The following CTNNA2 variants were observed in gnomAD, a reference collection of about 807,000 sequenced individuals.
CTNNA2 encodes catenin alpha 2.
In CTNNA2, 42 loss-of-function variants were observed where a neutral mutation model predicts 101.0. The observed-to-expected ratio is 0.42, with a 90% CI of 0.32 to 0.54. CTNNA2 has a LOEUF of 0.54. Ranked by LOEUF, CTNNA2 falls within the 20% of genes least tolerant of loss-of-function variation. The pLI, the probability that CTNNA2 is intolerant of heterozygous loss-of-function variation, is 0.14. For missense variants in CTNNA2, 871 were observed against 1,223.1 expected (o/e 0.71, Z 4.29); for synonymous variants, 450 against 456.4 (o/e 0.99, Z 0.18).
intron 2 of CTNNA2, among the ~76,000 whole-genome samples, chr2:79,702,383 T>C (rs548230175): frequency 1.3e-5 from 2 of 152,288 alleles, no homozygotes; most frequent in South Asian, 2.1e-4. Context: ...CATGCTACAA[T>C]AGCAGAGCTA....
intron 9 of CTNNA2, among the ~76,000 whole-genome samples, chr2:80,495,611 C>T (rs763950833): frequency 7.2e-5 from 11 of 152,220 alleles, no homozygotes; most frequent in Non-Finnish European, 7.4e-5. Context: ...AGGTTGGGCC[C>T]TTAAAGCAGT....
intron 4 of CTNNA2, among the ~76,000 whole-genome samples, chr2:79,440,382 C>T (rs1257912317): frequency 6.6e-6 from 1 of 152,108 alleles, no homozygotes; most frequent in Non-Finnish European, 1.5e-5. Flanking sequence ...AGGGTATTCT[C>T]TCTTGGCCAT....
chr2:80,494,706 A>ATGTC (rs1274474926), intron 9 of CTNNA2, among the ~76,000 whole-genome samples: 5 of 152,192 alleles, frequency 3.3e-5, no homozygotes, highest in African/African-American at 4.8e-5. Context: ...CATATTAAGT[A>ATGTC]TGTCTTATGT....
At chr2:80,441,727 G>A (rs1682601621) in intron 9 of CTNNA2, among the ~76,000 whole-genome samples, 2 of 152,160 alleles carry the variant, frequency 1.3e-5, no homozygotes, top group African/African-American at 4.8e-5. Context: ...GTAAAGAAAT[G>A]GAGACAGAAT....
At chr2:80,424,235 T>C (rs1022995777) in intron 9 of CTNNA2, among the ~76,000 whole-genome samples, 2 of 152,282 alleles carry the variant, frequency 1.3e-5, no homozygotes, top group East Asian at 3.9e-4. Flanking sequence ...ATTACAGGCG[T>C]GAGCCACCGT....
rs550495089 is a variant in CTNNA2 at position 79,236,863 on chromosome 2, C to T, written c.-406+38787C>T. On this transcript the variant is annotated intron_variant, in intron 2 of 21. Transcript: ENST00000466387. ...AGGCTCCATTTTTAATTATAGTTCCCTTGCTATTTCCAGCAAATCTTCAGC... is the reference window on the plus strand; with the variant it reads ...AGGCTCCATTTTTAATTATAGTTCCTTTGCTATTTCCAGCAAATCTTCAGC... Among the ~76,000 whole-genome samples, 6 of 152,284 alleles carry T rather than the reference C, an allele frequency of 3.9e-5. No homozygotes were observed. In the South Asian group the frequency reaches 1.2e-3, roughly 32 times the overall value.
At chr2:80,595,284 G>T (rs1441623714) in intron 15 of CTNNA2, among the ~76,000 whole-genome samples, 1 of 139,802 alleles carries the variant, frequency 7.2e-6, no homozygotes, top group Non-Finnish European at 1.5e-5. Context: ...TTTCTTTTAG[G>T]ATTTTTTTAT....
intron 2 of CTNNA2, among the ~76,000 whole-genome samples, chr2:79,654,825 T>C (rs770039480): frequency 6.6e-6 from 1 of 152,182 alleles, no homozygotes; most frequent in Non-Finnish European, 1.5e-5. Flanking sequence ...GCTTACCTAA[T>C]ACTGATAGGA....
intron 7 of CTNNA2, among the ~76,000 whole-genome samples, chr2:80,027,052 T>C (rs1694973858): frequency 6.6e-6 from 1 of 152,148 alleles, no homozygotes; most frequent in Admixed American, 6.5e-5. Flanking sequence ...TATGTTAATA[T>C]ATGGACAAAA....
intron 4 of CTNNA2, among the ~76,000 whole-genome samples, chr2:79,436,214 T>C (rs1435793671): frequency 1.3e-4 from 20 of 152,170 alleles, no homozygotes; most frequent in Admixed American, 1.3e-3. Context: ...AACTTGGAGA[T>C]GTCATCAGGA....
At chr2:80,187,397 T>C (rs1399073982) in intron 7 of CTNNA2, among the ~76,000 whole-genome samples, 4 of 152,242 alleles carry the variant, frequency 2.6e-5, no homozygotes, top group Non-Finnish European at 5.9e-5. Flanking sequence ...AATAGTAATT[T>C]GTTAAGTTTT....
intron 8 of CTNNA2, among the ~76,000 whole-genome samples, chr2:80,394,171 C>T (rs894798883): frequency 3.3e-5 from 5 of 152,222 alleles, no homozygotes; most frequent in African/African-American, 1.2e-4. Context: ...GCAGCTGAAA[C>T]AATTGGGTTA....
chr2:79,264,621 C>T (rs928359386), intron 2 of CTNNA2, among the ~76,000 whole-genome samples: 9 of 152,018 alleles, frequency 5.9e-5, no homozygotes, highest in Admixed American at 5.2e-4. Context: ...CCTTCAAAGC[C>T]GTAGAACAAA....
rs548055530 is a variant in CTNNA2, at chr2:79,980,192, G to A, written c.1056+70395G>A. 4.6e-5 allele frequency among the ~76,000 whole-genome samples: 7 copies of A among 152,252 alleles called. No homozygotes were observed. The East Asian group carries it at 1.2e-3, about 25-fold the overall frequency. On this transcript the variant is annotated intron_variant, in intron 7 of 18. Transcript: ENST00000402739. ...ATTAAGTAAACTATGCAGGAGAAAA[G>A]CATCCTGGAGAATCACAAAGAGGAT...
chr2:79,675,423 C>T (rs1683117581), intron 2 of CTNNA2, among the ~76,000 whole-genome samples: 1 of 152,064 alleles, frequency 6.6e-6, no homozygotes, highest in South Asian at 2.1e-4. Flanking sequence ...GGCACTTAGT[C>T]TTCTAAGAAA....
At chr2:80,351,178 G>T (rs1431693820) in intron 7 of CTNNA2, among the ~76,000 whole-genome samples, 2 of 152,034 alleles carry the variant, frequency 1.3e-5, no homozygotes, top group African/African-American at 4.8e-5. Context: ...ACATACACAC[G>T]CACAGACATA....
intron 12 of CTNNA2, among the ~76,000 whole-genome samples, chr2:80,559,878 T>TATCTATCTATCTATCTATATATA (rs1693393440): frequency 9.7e-5 from 11 of 113,930 alleles, no homozygotes; most frequent in African/African-American, 3.3e-4. Context: ...GATATCATAT[T>TATCTATCTATCTATCTATATATA]TATATATATA....
At chr2:80,587,263 C>T (rs216626) in intron 14 of CTNNA2, among the ~76,000 whole-genome samples, 36,704 of 151,922 alleles carry the variant, frequency 0.24, 6,707 homozygotes, top group African/African-American at 0.52. Flanking sequence ...GTACCCAGTA[C>T]TTGTGGATAT....
rs772304473 is a variant in CTNNA2, at chr2:80,302,611, G to A, written c.1057-90600G>A. On this transcript the variant is annotated intron_variant, in intron 7 of 18. Transcript: ENST00000402739. This position sits in a 1 kb window ranked among gnomAD's most constrained non-coding sequence, Gnocchi z 6.4. ...CCACGGTGGCAGGCTCGAATGTGCC[G>A]TCGTGCTGCCCCTCCCCGCCGTCCG... 56 of 1,605,750 alleles carry A rather than the reference G, an allele frequency of 3.5e-5. No individual in the cohort carries two copies. Among genetic ancestry groups the A allele is most frequent in the Non-Finnish European group, 4.2e-5 (49 of 1,178,548 alleles).
Sources: allele counts gnomAD v4.1 joint callset (sites outside exome capture counted in the v4.1 genomes callset), GRCh38; gene constraint gnomAD v4.1.1; non-coding constraint Gnocchi (gnomAD v3.1); transcripts MANE v1.5; gene names NCBI Gene and HGNC (gene_info 2026-07-23, HGNC 2026-07-21).